Variants in FAM13A observed in about 807,000 individuals in gnomAD.
FAM13A encodes family with sequence similarity 13 member A, also known as protein FAM13A.
In FAM13A, 76 loss-of-function variants were observed where a neutral mutation model predicts 129.6. That is an observed-to-expected ratio of 0.59 (90% CI 0.49 to 0.71). The LOEUF is 0.71. FAM13A is among the 30% of genes least tolerant of loss of function. The pLI, the probability that FAM13A is intolerant of heterozygous loss-of-function variation, is 0.00. For synonymous variants in FAM13A, 443 were observed against 449.9 expected (o/e 0.98, Z 0.20); for missense variants, 1,108 against 1,249.3 (o/e 0.89, Z 1.70).
rs1051848545 is a variant in FAM13A, at chr4:88,728,425, T to G, written c.*108A>C. The stretch of plus-strand genomic sequence containing the variant: ...CCAAATGGTCTAGAGGCAGAAGGGC[T>G]GCATGCTTTGCAGGGCCAGCCCCAA... On this transcript the variant is annotated 3_prime_UTR_variant, in exon 24 of 24. Transcript: ENST00000264344. The G allele has an allele frequency of 7.3e-6, 10 of 1,373,582 alleles. No homozygotes were observed. Among genetic ancestry groups the G allele is most frequent in the Non-Finnish European group, 9.2e-6 (9 of 980,046 alleles). 85.1% of individuals were successfully genotyped at this position (1,373,582 alleles called of 1,614,324 possible).
chr4:88,910,630 A>C (rs1291166186), intron 5 of FAM13A, among the ~76,000 whole-genome samples: 1 of 149,614 alleles, frequency 6.7e-6, no homozygotes, highest in Non-Finnish European at 1.5e-5. Context: ...GAAATATCCA[A>C]CCTTAAACTT....
intron 7 of FAM13A, among the ~76,000 whole-genome samples, chr4:88,831,541 T>C (rs1000761770): frequency 6.6e-6 from 1 of 152,230 alleles, no homozygotes; most frequent in Non-Finnish European, 1.5e-5. Context: ...TACTGGCTGG[T>C]AAATAATTTG....
intron 16 of FAM13A, 34 bp downstream of exon 16, chr4:88,749,737 T>C (rs377179550): frequency 5.0e-6 from 8 of 1,608,390 alleles, no homozygotes; most frequent in Non-Finnish European, 6.8e-6. Flanking sequence ...AGGGAGAGGA[T>C]GAGGCGAAAA....
rs1391020932 is a variant in FAM13A at position 88,726,397 on chromosome 4, TCATA to T, written c.*2132_*2135del. On this transcript the variant is annotated 3_prime_UTR_variant, in exon 24 of 24. Coordinates refer to ENST00000264344, the MANE Select transcript of FAM13A (RefSeq NM_014883.4). ...TTACTTGGTGTTTTCTTTTATTGAA[TCATA>T]CAAATTCAAATGGGGATTCCTGAAT... 6.6e-6 allele frequency: 1 copy of T among 152,570 alleles called. No individual in the cohort carries two copies. Among genetic ancestry groups the T allele is most frequent in the Non-Finnish European group, 1.5e-5 (1 of 68,040 alleles). 9.5% of individuals were successfully genotyped at this position (152,570 alleles called of 1,614,324 possible).
intron 4 of FAM13A, among the ~76,000 whole-genome samples, chr4:88,945,538 G>GT (rs1192388998): frequency 6.6e-6 from 1 of 151,820 alleles, no homozygotes; most frequent in Non-Finnish European, 1.5e-5. Context: ...CCAATCAGTA[G>GT]TTTTTGGGGG....
chr4:88,784,329 G>T (rs977457036), intron 10 of FAM13A, among the ~76,000 whole-genome samples: 1 of 152,132 alleles, frequency 6.6e-6, no homozygotes, highest in Non-Finnish European at 1.5e-5. Context: ...GAAGACTTCA[G>T]GGGCACTTTA....
At chr4:88,899,781 A>G (rs573176217) in intron 6 of FAM13A, among the ~76,000 whole-genome samples, 7 of 152,236 alleles carry the variant, frequency 4.6e-5, no homozygotes, top group Admixed American at 3.9e-4. Context: ...GTGGAGGCTG[A>G]GATGGCTGAA....
intron 4 of FAM13A, among the ~76,000 whole-genome samples, chr4:88,966,665 A>G (rs1759391961): frequency 6.6e-6 from 1 of 152,174 alleles, no homozygotes; most frequent in Admixed American, 6.5e-5. Context: ...CATTATTTTT[A>G]GACCTGAGAA....
At chr4:88,990,022 A>G (rs1393515777) in intron 4 of FAM13A, 1 of 152,190 alleles carries the variant, frequency 6.6e-6, no homozygotes, top group East Asian at 1.9e-4. Flanking sequence ...TGCATCTGAG[A>G]TATTTATTCA....
rs1424036021 is a variant in FAM13A at position 88,899,331 on chromosome 4, G to C, written c.843+7048C>G. Reference sequence around the variant, plus strand: ...ATAAGAATGATACAATGGACTTTGGGGGAAAGGGTGGGAAGGAGTTGAGGG... The same window carrying C: ...ATAAGAATGATACAATGGACTTTGGCGGAAAGGGTGGGAAGGAGTTGAGGG... On this transcript the variant is annotated intron_variant, in intron 6 of 23. Transcript: ENST00000264344. Among the ~76,000 whole-genome samples the C allele has an allele frequency of 2.0e-5, 3 of 152,058 alleles. No homozygotes were observed. In the East Asian group the frequency reaches 5.8e-4, roughly 29 times the overall value.
chr4:88,820,028 A>G (rs1731579467), intron 7 of FAM13A, among the ~76,000 whole-genome samples: 1 of 152,238 alleles, frequency 6.6e-6, no homozygotes, highest in Non-Finnish European at 1.5e-5. Context: ...ACATTCAGTA[A>G]TAAACAGATA....
At chr4:89,026,763 T>C (rs780235505) in intron 2 of FAM13A, among the ~76,000 whole-genome samples, 78 of 152,130 alleles carry the variant, frequency 5.1e-4, no homozygotes, top group Non-Finnish European at 9.9e-4. Context: ...CACGTGGGGA[T>C]TGGGGGATTA....
intron 5 of FAM13A, among the ~76,000 whole-genome samples, chr4:88,918,691 G>C (rs983896952): frequency 6.6e-6 from 1 of 152,198 alleles, no homozygotes; most frequent in Non-Finnish European, 1.5e-5. Context: ...AAAATACATG[G>C]AGTGAAAATA....
chr4:88,851,252 T>C, intron 6 of FAM13A, 69 bp from the exon 7 acceptor site: 1 of 1,363,584 alleles, frequency 7.3e-7, no homozygotes, highest in South Asian at 1.6e-5. Context: ...ATTAAGTTTA[T>C]GATAAAAGAC....
intron 4 of FAM13A, among the ~76,000 whole-genome samples, chr4:88,945,986 G>GTATATATA (rs1309475381): frequency 2.4e-3 from 53 of 21,808 alleles, no homozygotes; most frequent in African/African-American, 0.013. Context: ...GTGTGTGTGT[G>GTATATATA]TGTGTATATA....
intron 6 of FAM13A, among the ~76,000 whole-genome samples, chr4:88,875,680 T>C (rs1367324280): frequency 1.3e-5 from 2 of 152,208 alleles, no homozygotes; most frequent in Non-Finnish European, 2.9e-5. Flanking sequence ...GGAACACTTT[T>C]ACACTGTTGG....
At chr4:88,918,018 C>T (rs1750382759) in intron 5 of FAM13A, among the ~76,000 whole-genome samples, 1 of 152,202 alleles carries the variant, frequency 6.6e-6, no homozygotes, top group Non-Finnish European at 1.5e-5. Context: ...ACACTGCCTG[C>T]TGCCCAGAAC....
Position 88,963,509 on chromosome 4 carries a change from G to A in FAM13A, c.606-25268C>T, listed in dbSNP as rs145487956. Among the ~76,000 whole-genome samples the A allele has an allele frequency of 5.0e-3, 755 of 152,114 alleles. 8 individuals carry two copies. Among genetic ancestry groups the A allele is most frequent in the African/African-American group, 0.017 (719 of 41,506 alleles). On this transcript the variant is annotated intron_variant, in intron 4 of 23. Transcript: ENST00000264344. ...GACGGGGTTTCATCATGTAGGCCGG[G>A]ATGGTCTCGAACTCCTGACCTCAGG...
chr4:88,799,771 C>G lies in FAM13A; in HGVS notation c.1049+5240G>C, dbSNP rs371819363. Among the ~76,000 whole-genome samples, 40 of 152,360 alleles carry G rather than the reference C, an allele frequency of 2.6e-4. No homozygotes were observed. In the South Asian group the frequency reaches 5.0e-3, roughly 19 times the overall value. On this transcript the variant is annotated intron_variant, in intron 8 of 23. Coordinates refer to ENST00000264344, the MANE Select transcript of FAM13A (RefSeq NM_014883.4). ...GTGCTGGGATTACAGGCGTGAGCCACTGTGCCTGGCCCCAACAATTCCACT... is the reference window on the plus strand; with the variant it reads ...GTGCTGGGATTACAGGCGTGAGCCAGTGTGCCTGGCCCCAACAATTCCACT...
Sources: gnomAD v4.1 joint callset for allele counts (sites outside exome capture counted in the v4.1 genomes callset) on GRCh38, gnomAD v4.1.1 for gene constraint, MANE v1.5 for transcripts, NCBI Gene and HGNC (gene_info 2026-07-23, HGNC 2026-07-21) for gene names.